AUTS2: variants seen among roughly 807,000 people sequenced by gnomAD.
The protein encoded by AUTS2 is autism susceptibility gene 2 protein.
AUTS2 carries 17 observed loss-of-function variants against 112.4 expected under a neutral mutation model. The observed-to-expected ratio is 0.15, with a 90% CI of 0.10 to 0.23. The LOEUF (loss-of-function observed/expected upper bound fraction) is 0.23, where lower values mean the gene tolerates loss of function less well. Among genes scored for constraint, AUTS2 ranks in the 10% least tolerant of loss-of-function variants. AUTS2 has a pLI of 1.00. For synonymous variants in AUTS2, 751 were observed against 702.7 expected, an observed-to-expected ratio of 1.07 and a Z score of -1.09; for missense variants, 1,510 against 1,701.6, an observed-to-expected ratio of 0.89 and a Z score of 1.98.
chr7:70,024,102 C>T (rs1251033361), intron 2 of AUTS2, among the ~76,000 whole-genome samples: 1 of 152,174 alleles, frequency 6.6e-6, no homozygotes, highest in Admixed American at 6.5e-5. Flanking sequence ...GATCAGAATA[C>T]TTTTATACTA....
intron 5 of AUTS2, among the ~76,000 whole-genome samples, chr7:70,671,664 C>CG (rs200940453): frequency 1.6e-4 from 25 of 152,240 alleles, no homozygotes; most frequent in Admixed American, 1.4e-3. Context: ...AATAACCCCC[C>CG]CTATGAATGA....
intron 5 of AUTS2, among the ~76,000 whole-genome samples, chr7:70,474,752 C>T (rs1391304236): frequency 6.6e-6 from 1 of 152,174 alleles, no homozygotes; most frequent in Non-Finnish European, 1.5e-5. Context: ...CAGCCATAGA[C>T]ATCCCCAGAG....
intron 2 of AUTS2, among the ~76,000 whole-genome samples, chr7:69,960,449 G>C (rs937387743): frequency 2.0e-5 from 3 of 152,122 alleles, no homozygotes; most frequent in South Asian, 4.1e-4. Flanking sequence ...TTTTAAAAGA[G>C]AAACTGTAAT....
chr7:70,289,919 G>A (rs1788632162), intron 4 of AUTS2, among the ~76,000 whole-genome samples: 1 of 152,166 alleles, frequency 6.6e-6, no homozygotes, highest in Admixed American at 6.5e-5. Context: ...CTTCAAAACA[G>A]ACCTAATTTA....
intron 2 of AUTS2, among the ~76,000 whole-genome samples, chr7:69,942,110 A>G (rs144803049): frequency 9.2e-5 from 14 of 152,262 alleles, no homozygotes; most frequent in Admixed American, 3.9e-4. Flanking sequence ...ATGCCCTTGT[A>G]TCTCTGTTAC....
intron 2 of AUTS2, among the ~76,000 whole-genome samples, chr7:70,005,554 G>A (rs762081634): frequency 6.6e-6 from 1 of 152,170 alleles, no homozygotes; most frequent in Non-Finnish European, 1.5e-5. Flanking sequence ...CATCTAGGGG[G>A]CTGTTATAAC....
At chr7:70,335,866 C>T (rs917343882) in intron 4 of AUTS2, among the ~76,000 whole-genome samples, 1 of 152,172 alleles carries the variant, frequency 6.6e-6, no homozygotes, top group Non-Finnish European at 1.5e-5. Flanking sequence ...TTGTGCATGA[C>T]ATAGTGCAGG....
At chr7:70,446,395 T>C (rs1007026175) in intron 5 of AUTS2, among the ~76,000 whole-genome samples, 1 of 152,244 alleles carries the variant, frequency 6.6e-6, no homozygotes, top group Non-Finnish European at 1.5e-5. Flanking sequence ...CTTTATCATC[T>C]GTGTCACTCA....
chr7:69,736,912 T>A (rs1401718159), intron 1 of AUTS2, among the ~76,000 whole-genome samples: 2 of 152,320 alleles, frequency 1.3e-5, no homozygotes, highest in South Asian at 2.1e-4. Context: ...TTTGTTGTTT[T>A]AAAAATTTTG....
At chr7:69,934,210 C>T (rs1323117022) in intron 2 of AUTS2, among the ~76,000 whole-genome samples, 2 of 152,100 alleles carry the variant, frequency 1.3e-5, no homozygotes, top group Non-Finnish European at 2.9e-5. Context: ...CTCTAATCTA[C>T]AGAAGTGGAG....
intron 2 of AUTS2, among the ~76,000 whole-genome samples, chr7:70,093,659 T>G (rs1171234366): frequency 2.6e-5 from 4 of 152,220 alleles, no homozygotes; most frequent in Non-Finnish European, 5.9e-5. Context: ...CATTTCACAC[T>G]GAGTGAGTCA....
At chr7:70,336,419 CTA>C (rs1323596891) in intron 4 of AUTS2, among the ~76,000 whole-genome samples, 2 of 151,988 alleles carry the variant, frequency 1.3e-5, no homozygotes, top group Non-Finnish European at 2.9e-5. Context: ...TGATAAATGC[CTA>C]TGTTTTCTAT....
At chr7:70,676,683 C>T (rs76521782) in intron 5 of AUTS2, among the ~76,000 whole-genome samples, 2 of 152,122 alleles carry the variant, frequency 1.3e-5, no homozygotes, top group Non-Finnish European at 2.9e-5. Flanking sequence ...TTGAGACCAG[C>T]CTGGGCAACA....
Position 69,599,811 on chromosome 7 carries a change from G to T in AUTS2, c.158G>T (p.Gly53Val). 6.2e-7 allele frequency: 1 copy of T among 1,603,598 alleles called. No individual in the cohort carries two copies. Among genetic ancestry groups the T allele is most frequent in the Non-Finnish European group, 8.5e-7 (1 of 1,175,744 alleles). The change falls in exon 1 of 19, where the codon GGC (glycine) becomes GTC (valine). Residue 53 changes from glycine (G) to valine (V), a missense_variant. This residue lies in a region of AUTS2 where 535 missense variants were observed against 594.3 expected (regional missense o/e 0.90). Coordinates refer to ENST00000342771, the MANE Select transcript of AUTS2 (RefSeq NM_015570.4). This position sits in a 1 kb window ranked among gnomAD's most constrained non-coding sequence, Gnocchi z 7.0. ...GCGCTCTCACTCGCCTCGTCGTCGG[G>T]CTCCGACAAGGAAGACAATGGGAAG... Reference protein sequence around the residue: ...TRALSLASSSGSDKEDNGKPP... With the variant: ...TRALSLASSSVSDKEDNGKPP...
intron 2 of AUTS2, among the ~76,000 whole-genome samples, chr7:69,989,297 G>T (rs1226603833): frequency 6.6e-6 from 1 of 152,134 alleles, no homozygotes; most frequent in Non-Finnish European, 1.5e-5. Context: ...AGTTATTCCT[G>T]GGTAACGCTG....
At chr7:70,133,014 G>A (rs1237028187) in intron 3 of AUTS2, among the ~76,000 whole-genome samples, 7 of 152,090 alleles carry the variant, frequency 4.6e-5, no homozygotes, top group Non-Finnish European at 5.9e-5. Flanking sequence ...GCTAGTCACT[G>A]GTATGAGAAG....
chr7:69,656,618 C>T (rs11769569), intron 1 of AUTS2, among the ~76,000 whole-genome samples: 189 of 152,214 alleles, frequency 1.2e-3, no homozygotes, highest in Non-Finnish European at 2.2e-3. Flanking sequence ...TAGCCTTGCT[C>T]CTCCCTGACA....
At chr7:70,277,926 T>TTGTGTGTGTGTGTG (rs35535865) in intron 4 of AUTS2, among the ~76,000 whole-genome samples, 25 of 129,156 alleles carry the variant, frequency 1.9e-4, no homozygotes, top group Admixed American at 1.4e-3. Context: ...CCTTGTGTAT[T>TTGTGTGTGTGTGTG]TGTGTGTGTG....
At chr7:69,604,178 C>G (rs1232126024) in intron 1 of AUTS2, among the ~76,000 whole-genome samples, 1 of 152,176 alleles carries the variant, frequency 6.6e-6, no homozygotes. Context: ...CTTCCTGGCT[C>G]TGTTTTCAGG....
Sources: gnomAD v4.1 joint callset for allele counts (sites outside exome capture counted in the v4.1 genomes callset) on GRCh38, gnomAD v4.1.1 for gene constraint, gnomAD v4.1.1 regional missense constraint, Gnocchi (gnomAD v3.1) non-coding constraint, MANE v1.5 for transcripts, NCBI Gene and HGNC (gene_info 2026-07-23, HGNC 2026-07-21) for gene names.